The following ADAM11 variants were observed in gnomAD, a reference collection of about 807,000 sequenced individuals.
ADAM11 encodes the protein ADAM metallopeptidase domain 11, also known as disintegrin and metalloproteinase domain-containing protein 11.
In ADAM11, 49 loss-of-function variants were observed where a neutral mutation model predicts 119.1. That is an observed-to-expected ratio of 0.41 (90% CI 0.33 to 0.52). The LOEUF is 0.52. Among genes scored for constraint, ADAM11 ranks in the 20% least tolerant of loss-of-function variants. ADAM11 has a pLI of 0.20. For synonymous variants in ADAM11, 364 were observed against 408.0 expected, an observed-to-expected ratio of 0.89 and a Z score of 1.30; for missense variants, 777 against 1,047.5, an observed-to-expected ratio of 0.74 and a Z score of 3.56.
chr17:44,759,390 G>A (rs2145198629), intron 1 of ADAM11, 130 bp downstream of exon 1: 6 of 1,263,402 alleles, frequency 4.7e-6, no homozygotes, highest in Non-Finnish European at 6.0e-6. Context: ...GGGAGGGTAG[G>A]GGAGCGGGAG....
rs903300583 is a variant in ADAM11, at chr17:44,781,260, C to T, written c.*1506C>T. Reference sequence around the variant, plus strand: ...ATCGCCCCCTGTTTATTCACAACACCCTCAGGGGCAAACAGGCCTGGGACC... The same window carrying T: ...ATCGCCCCCTGTTTATTCACAACACTCTCAGGGGCAAACAGGCCTGGGACC... On this transcript the variant is annotated 3_prime_UTR_variant, in exon 27 of 27. Coordinates refer to ENST00000200557, the MANE Select transcript of ADAM11 (RefSeq NM_002390.6). The T allele has an allele frequency of 3.3e-5, 5 of 152,088 alleles. No individual in the cohort carries two copies. The highest frequency in any genetic ancestry group is 1.2e-4 in the African/African-American group (5 of 41,404). 9.4% of individuals were successfully genotyped at this position (152,088 alleles called of 1,614,324 possible).
At position 44,775,171 on chromosome 17, in the gene ADAM11, G is replaced by T; in HGVS notation, c.1221-41G>T. The T allele has an allele frequency of 6.5e-7, 1 of 1,531,632 alleles. No individual in the cohort carries two copies. Among genetic ancestry groups the T allele is most frequent in the Non-Finnish European group, 9.0e-7 (1 of 1,106,828 alleles). 94.9% of individuals were successfully genotyped at this position (1,531,632 alleles called of 1,614,324 possible). ...GCCTTGAGAGGGGTGAGGGTGGGTT[G>T]GAGGGGAGCAGCCAGCAGCACCTCC... On this transcript the variant is annotated intron_variant, in intron 14 of 26. Transcript: ENST00000200557. This position sits in a 1 kb window ranked among gnomAD's most constrained non-coding sequence, Gnocchi z 7.5.
At chr17:44,759,310 G>T in intron 1 of ADAM11, 50 bp downstream of exon 1, 2 of 1,347,286 alleles carry the variant, frequency 1.5e-6, no homozygotes, top group South Asian at 3.5e-5. Context: ...CCCCGCCCCG[G>T]GATGTGCGGC....
intron 4 of ADAM11, 126 bp downstream of exon 4, chr17:44,770,174 C>T: frequency 8.7e-7 from 1 of 1,156,026 alleles, no homozygotes; most frequent in Non-Finnish European, 1.2e-6. Context: ...CCCCTCAGCA[C>T]CTTCCCTCTC....
chr17:44,771,918 C>T lies in ADAM11; in HGVS notation c.543+87C>T, dbSNP rs888144369. On this transcript the variant is annotated intron_variant, in intron 6 of 26. Coordinates refer to ENST00000200557, the MANE Select transcript of ADAM11 (RefSeq NM_002390.6). ...CTGTTGCTGCCACCTCTTCCTCCTC[C>T]GGCTCCTCCCTCAGTAACCCCAGCC... 54 of 1,452,408 alleles carry T rather than the reference C, an allele frequency of 3.7e-5. No homozygotes were observed. In the South Asian group the frequency reaches 4.5e-4, roughly 12 times the overall value. 90.0% of individuals were successfully genotyped at this position (1,452,408 alleles called of 1,614,324 possible).
At position 44,771,780 on chromosome 17, in the gene ADAM11, G is replaced by A; in HGVS notation, c.492G>A (p.Leu164=). 6.2e-7 allele frequency: 1 copy of A among 1,613,682 alleles called. No individual in the cohort carries two copies. The highest frequency in any genetic ancestry group is 1.1e-5 in the South Asian group (1 of 91,070). Residue 164 remains leucine (L), a synonymous_variant, in exon 6 of 27, where the codon TTG becomes TTA. Coordinates refer to ENST00000200557, the MANE Select transcript of ADAM11 (RefSeq NM_002390.6). Reference sequence around the variant, plus strand: ...GTGGGGTCTTCTCTGATGGGAACTTGACTTACATCGTGGAGCCCCAAGAGG... The same window carrying A: ...GTGGGGTCTTCTCTGATGGGAACTTAACTTACATCGTGGAGCCCCAAGAGG... ...GLHGVFSDGN[L]TYIVEPQEVA...
Position 44,759,172 on chromosome 17 carries a change from C to G in ADAM11, c.-28C>G. 7.7e-7 allele frequency: 1 copy of G among 1,306,562 alleles called. No homozygotes were observed. Among genetic ancestry groups the G allele is most frequent in the Non-Finnish European group, 9.7e-7 (1 of 1,026,952 alleles). The allele number at this position is 1,306,562 out of a possible 1,614,324, so 80.9% of individuals were successfully genotyped here. On this transcript the variant is annotated 5_prime_UTR_variant, in exon 1 of 27. Transcript: ENST00000200557. ...CTCCCCGCGCCGCTGGCAGCCGCAG[C>G]CCCCGGACCGGGAGGAATGAGCGAG...
intron 4 of ADAM11, among the ~76,000 whole-genome samples, chr17:44,770,816 C>T (rs997368293): frequency 1.3e-5 from 2 of 152,226 alleles, no homozygotes; most frequent in African/African-American, 4.8e-5. Context: ...CCTTCCCCAG[C>T]CCCAGCAAAT....
In ADAM11 at chr17:44,764,012, C is replaced by T. The variant is rs151207022; in HGVS notation, c.237+4115C>T. On this transcript the variant is annotated intron_variant, in intron 2 of 26. Coordinates refer to ENST00000200557, the MANE Select transcript of ADAM11 (RefSeq NM_002390.6). Reference sequence around the variant, plus strand: ...AATTACAGGTGTGAGCCACCTCACCCGGTCTTGGGACCCCTTTTTCTAATT... The same window carrying T: ...AATTACAGGTGTGAGCCACCTCACCTGGTCTTGGGACCCCTTTTTCTAATT... Among the ~76,000 whole-genome samples, 542 of 152,312 alleles carry T rather than the reference C, an allele frequency of 3.6e-3. 4 individuals carry two copies. The highest frequency in any genetic ancestry group is 0.012 in the African/African-American group (495 of 41,576).
chr17:44,759,355 C>A, intron 1 of ADAM11, 95 bp downstream of exon 1: 2 of 1,279,988 alleles, frequency 1.6e-6, no homozygotes, highest in Admixed American at 4.1e-5. Context: ...CTGCAGTGCT[C>A]GGGGTGACAG....
intron 2 of ADAM11, among the ~76,000 whole-genome samples, chr17:44,766,017 T>C (rs1319290707): frequency 6.8e-6 from 1 of 147,842 alleles, no homozygotes; most frequent in Non-Finnish European, 1.5e-5. Flanking sequence ...GTTGAGCTCG[T>C]GGGCAGGGAA....
Position 44,774,751 on chromosome 17 carries a change from T to C in ADAM11, c.1220+2T>C, listed in dbSNP as rs1361631660. On this transcript the variant is annotated splice_donor_variant, in intron 14 of 26. Transcript: ENST00000200557. LOFTEE classifies it high-confidence loss of function. ...GGGCTGCATCATGGAGGACACTGGG[T>C]GAGTTCTTGGGGACAAACCGGGGGA... 3 of 1,590,756 alleles carry C rather than the reference T, an allele frequency of 1.9e-6. No homozygotes were observed. The highest frequency in any genetic ancestry group is 2.6e-6 in the Non-Finnish European group (3 of 1,173,862).
chr17:44,774,097 A>AAAAAAG (rs71275952), intron 11 of ADAM11, among the ~76,000 whole-genome samples, 198 bp from the exon 12 acceptor site: 90,589 of 150,604 alleles, frequency 0.6, 27,772 homozygotes, highest in East Asian at 0.77. Context: ...GTCTCAAAAG[A>AAAAAAG]AAAAAGAAAA....
In ADAM11 at chr17:44,772,168, C is replaced by T; in HGVS notation, c.544-99C>T. ...GAGCTGTGGCCAGTTCTGGGTCACC[C>T]CAGGGTGGGGTGGAGGCGAGGGCTG... On this transcript the variant is annotated intron_variant, in intron 6 of 26. Coordinates refer to ENST00000200557, the MANE Select transcript of ADAM11 (RefSeq NM_002390.6). This position sits in a 1 kb window ranked among gnomAD's most constrained non-coding sequence, Gnocchi z 4.5. 8.3e-7 allele frequency: 1 copy of T among 1,201,512 alleles called. No homozygotes were observed. Among genetic ancestry groups the T allele is most frequent in the Non-Finnish European group, 1.2e-6 (1 of 843,860 alleles). 74.4% of individuals were successfully genotyped at this position (1,201,512 alleles called of 1,614,324 possible).
chr17:44,774,291 C>G lies in ADAM11; in HGVS notation c.993-4C>G. 6.8e-7 allele frequency: 1 copy of G among 1,460,586 alleles called. No individual in the cohort carries two copies. The highest frequency in any genetic ancestry group is 9.1e-7 in the Non-Finnish European group (1 of 1,104,712). The allele number at this position is 1,460,586 out of a possible 1,614,324, so 90.5% of individuals were successfully genotyped here. A position where few individuals can be genotyped will look rare whatever the true frequency, so the allele number is the denominator to read the frequency against. ...GGCCATCCTGACAGCGCACTCCCTT[C>G]CAGGGGCAGGACCTTCCAGAGCACG... On this transcript the variant is annotated splice_polypyrimidine_tract_variant and splice_region_variant and intron_variant, in intron 11 of 26. Transcript: ENST00000200557.
At chr17:44,762,152 CA>C (rs1281871597) in intron 2 of ADAM11, among the ~76,000 whole-genome samples, 1 of 152,116 alleles carries the variant, frequency 6.6e-6, no homozygotes, top group Non-Finnish European at 1.5e-5. Flanking sequence ...CCCCATTTTA[CA>C]GATGAGCAAA....
At chr17:44,771,971 C>T in intron 6 of ADAM11, 140 bp downstream of exon 6, 2 of 1,008,078 alleles carry the variant, frequency 2.0e-6, no homozygotes. Context: ...GACCCCAGCT[C>T]TGGTTCCCTC....
chr17:44,772,871 C>T lies in ADAM11; in HGVS notation c.693C>T (p.His231=), dbSNP rs1383340017. The change falls in exon 9 of 27, where the codon CAC becomes CAT. Residue 231 remains histidine, a synonymous_variant. Transcript: ENST00000200557. The surrounding 1 kb of genome is among the most constrained non-coding windows in gnomAD (Gnocchi z 4.5). ...CCACCCCCCAGGTCCGCCGGGGCCACCCTACAGTGCACAGTGAAACCAAGT... is the reference window on the plus strand; with the variant it reads ...CCACCCCCCAGGTCCGCCGGGGCCATCCTACAGTGCACAGTGAAACCAAGT... ...LRRKRQVRRG[H]PTVHSETKYV... 1.9e-6 allele frequency: 3 copies of T among 1,613,916 alleles called. No homozygotes were observed. In the East Asian group the frequency reaches 6.7e-5, roughly 36 times the overall value.
At chr17:44,760,243 G>C (rs950882773) in intron 2 of ADAM11, among the ~76,000 whole-genome samples, 1 of 152,242 alleles carries the variant, frequency 6.6e-6, no homozygotes, top group Non-Finnish European at 1.5e-5. Context: ...GGGCAAGTTG[G>C]GGGCAGGGAG....
Sources: allele counts gnomAD v4.1 joint callset (sites outside exome capture counted in the v4.1 genomes callset), GRCh38; gene constraint gnomAD v4.1.1; non-coding constraint Gnocchi (gnomAD v3.1); transcripts MANE v1.5; gene names NCBI Gene and HGNC (gene_info 2026-07-23, HGNC 2026-07-21).